LRRTM4: variants seen among roughly 807,000 people sequenced by gnomAD.
The protein encoded by LRRTM4 is leucine rich repeat transmembrane neuronal 4, also known as leucine-rich repeat transmembrane neuronal protein 4.
A neutral mutation model predicts 47.6 loss-of-function variants in LRRTM4; 25 were observed. The observed-to-expected ratio is 0.53, with a 90% confidence interval of 0.38 to 0.73. The LOEUF (loss-of-function observed/expected upper bound fraction) is 0.73, where lower values mean the gene tolerates loss of function less well. Among genes scored for constraint, LRRTM4 ranks in the 30% least tolerant of loss-of-function variants. The pLI, the probability that LRRTM4 is intolerant of heterozygous loss-of-function variation, is 0.00. For synonymous variants in LRRTM4, 311 were observed against 269.5 expected, an observed-to-expected ratio of 1.15 and a Z score of -1.51; for missense variants, 638 against 713.4, an observed-to-expected ratio of 0.89 and a Z score of 1.20.
At chr2:77,112,120 A>C (rs182434709) in intron 3 of LRRTM4, among the ~76,000 whole-genome samples, 1 of 152,278 alleles carries the variant, frequency 6.6e-6, no homozygotes, top group East Asian at 1.9e-4. Context: ...TACCCTGGGA[A>C]ATCTGGGGCT....
intron 3 of LRRTM4, among the ~76,000 whole-genome samples, chr2:76,808,496 A>T (rs895332717): frequency 6.6e-6 from 1 of 151,736 alleles, no homozygotes; most frequent in East Asian, 1.9e-4. Context: ...GAACTACCTG[A>T]AATCCAATCA....
intron 3 of LRRTM4, among the ~76,000 whole-genome samples, chr2:77,313,943 AT>A (rs1365618598): frequency 1.3e-5 from 2 of 152,220 alleles, no homozygotes; most frequent in Admixed American, 1.3e-4. Flanking sequence ...ACAAAAGTCT[AT>A]GATAAAATGA....
intron 3 of LRRTM4, among the ~76,000 whole-genome samples, chr2:76,865,219 A>T (rs1194973282): frequency 6.6e-6 from 1 of 152,114 alleles, no homozygotes; most frequent in Non-Finnish European, 1.5e-5. Context: ...ATAGGCAGAA[A>T]TCATGTCCCT....
chr2:77,144,769 GA>G (rs200395127), intron 3 of LRRTM4, among the ~76,000 whole-genome samples: 10 of 150,362 alleles, frequency 6.7e-5, no homozygotes, highest in Middle Eastern at 3.4e-3. Context: ...TGATCAAAGA[GA>G]AAAAAAAAGC....
intron 3 of LRRTM4, among the ~76,000 whole-genome samples, chr2:77,333,250 G>A (rs1314477625): frequency 6.6e-6 from 1 of 152,164 alleles, no homozygotes; most frequent in Admixed American, 6.6e-5. Context: ...CAGGAGTGGG[G>A]TTCTTCTATA....
At chr2:77,318,861 G>T (rs991161711) in intron 3 of LRRTM4, among the ~76,000 whole-genome samples, 1 of 144,270 alleles carries the variant, frequency 6.9e-6, no homozygotes, top group Non-Finnish European at 1.5e-5. Flanking sequence ...GAGTGTTGTA[G>T]ATTTTTTAAA....
chr2:77,492,715 T>C (rs767793149), intron 3 of LRRTM4, among the ~76,000 whole-genome samples: 19 of 152,146 alleles, frequency 1.2e-4, no homozygotes, highest in Non-Finnish European at 2.2e-4. Context: ...AAATTAAGAA[T>C]CAAGGTATAA....
At chr2:77,361,056 G>A (rs1672188446) in intron 3 of LRRTM4, among the ~76,000 whole-genome samples, 1 of 151,856 alleles carries the variant, frequency 6.6e-6, no homozygotes, top group African/African-American at 2.4e-5. Flanking sequence ...TCTTATTACA[G>A]CCTCATAAAA....
intron 3 of LRRTM4, among the ~76,000 whole-genome samples, chr2:76,780,363 C>G (rs368189800): frequency 8.5e-5 from 13 of 152,174 alleles, no homozygotes; most frequent in Non-Finnish European, 7.3e-5. Flanking sequence ...TGTTTTCCAA[C>G]TTGGTTCCAT....
intron 3 of LRRTM4, among the ~76,000 whole-genome samples, chr2:77,275,175 C>T (rs985576433): frequency 2.0e-5 from 3 of 152,124 alleles, no homozygotes; most frequent in Non-Finnish European, 4.4e-5. Flanking sequence ...TTTCTTAAAA[C>T]TTCCATAGCA....
chr2:77,368,018 A>G (rs1372568469), intron 3 of LRRTM4, among the ~76,000 whole-genome samples: 1 of 151,476 alleles, frequency 6.6e-6, no homozygotes, highest in Non-Finnish European at 1.5e-5. Flanking sequence ...TTGTTCTATA[A>G]TCTGTGTTTT....
At chr2:77,252,118 A>C (rs1245099614) in intron 3 of LRRTM4, among the ~76,000 whole-genome samples, 1 of 152,172 alleles carries the variant, frequency 6.6e-6, no homozygotes, top group African/African-American at 2.4e-5. Context: ...TCAAGACAAT[A>C]GTTGGCACCA....
At chr2:77,325,424 C>T (rs1670723836) in intron 3 of LRRTM4, among the ~76,000 whole-genome samples, 1 of 152,060 alleles carries the variant, frequency 6.6e-6, no homozygotes, top group Admixed American at 6.6e-5. Context: ...GTAGAGATGT[C>T]AAGTTGTCAC....
intron 3 of LRRTM4, chr2:76,989,897 G>C (rs1273517581): frequency 6.6e-6 from 1 of 151,796 alleles, no homozygotes; most frequent in Non-Finnish European, 1.5e-5. Flanking sequence ...AGCTAATTGT[G>C]ATAAAACAGA....
intron 3 of LRRTM4, among the ~76,000 whole-genome samples, chr2:77,467,253 T>C (rs1677016851): frequency 6.6e-6 from 1 of 152,036 alleles, no homozygotes; most frequent in Non-Finnish European, 1.5e-5. Flanking sequence ...AGTGTTCCTT[T>C]ATTTACTCAT....
intron 3 of LRRTM4, among the ~76,000 whole-genome samples, chr2:77,474,190 A>G (rs1158508707): frequency 6.6e-6 from 1 of 152,100 alleles, no homozygotes; most frequent in Non-Finnish European, 1.5e-5. Flanking sequence ...GTGTGGAGGG[A>G]TAGTCCAACA....
At position 77,474,313 on chromosome 2, in the gene LRRTM4, G is replaced by A. The variant is rs558826465; in HGVS notation, c.1551+44005C>T. On this transcript the variant is annotated intron_variant, in intron 3 of 3. Coordinates refer to ENST00000409884, the MANE Select transcript of LRRTM4 (RefSeq NM_001134745.3). The stretch of plus-strand genomic sequence containing the variant: ...CAGTAGATTTTGAGGCGTCTGTCTG[G>A]GGCTGTCACTATTTATATAGGTGAT... Among the ~76,000 whole-genome samples, 6 of 151,952 alleles carry A rather than the reference G, an allele frequency of 3.9e-5. No individual in the cohort carries two copies. In the East Asian group the frequency reaches 1.2e-3, roughly 29 times the overall value.
intron 3 of LRRTM4, among the ~76,000 whole-genome samples, chr2:77,506,941 G>T (rs1678798780): frequency 6.6e-6 from 1 of 151,914 alleles, no homozygotes; most frequent in Admixed American, 6.6e-5. Flanking sequence ...TATACATACA[G>T]TTTCTAATAT....
At chr2:76,815,871 A>G (rs879263674) in intron 3 of LRRTM4, among the ~76,000 whole-genome samples, 2 of 152,122 alleles carry the variant, frequency 1.3e-5, no homozygotes, top group Non-Finnish European at 2.9e-5. Context: ...GCTTCCACCA[A>G]TAACTGGGGG....
Sources: gnomAD v4.1 joint callset for allele counts (sites outside exome capture counted in the v4.1 genomes callset) on GRCh38, gnomAD v4.1.1 for gene constraint, MANE v1.5 for transcripts, NCBI Gene and HGNC (gene_info 2026-07-23, HGNC 2026-07-21) for gene names.